The following CREBBP variants were observed in gnomAD, a reference collection of about 807,000 sequenced individuals.
CREBBP encodes CREB-binding protein.
Under a neutral mutation model 265.0 loss-of-function variants are expected in CREBBP, and 19 were observed. That is an observed-to-expected ratio of 0.07 (90% CI 0.05 to 0.11). CREBBP has a LOEUF of 0.11. CREBBP is among the 10% of genes least tolerant of loss of function. The probability of loss-of-function intolerance (pLI) is 1.00; values close to 1 mark genes in which losing one functional copy is unlikely to be tolerated. For missense variants in CREBBP, 2,525 were observed against 3,219.0 expected (o/e 0.78, Z 5.22); for synonymous variants, 1,457 against 1,223.7 (o/e 1.19, Z -3.98).
intron 23 of CREBBP, chr16:3,742,114 A>T (rs2052230313): frequency 6.6e-6 from 1 of 151,950 alleles, no homozygotes; most frequent in Non-Finnish European, 1.5e-5. Context: ...AAAACAAAAA[A>T]ACCCCCCAAA....
chr16:3,770,097 T>C (rs1221153906), intron 14 of CREBBP, among the ~76,000 whole-genome samples: 1 of 152,164 alleles, frequency 6.6e-6, no homozygotes, highest in Non-Finnish European at 1.5e-5. Context: ...CTCGAACTCC[T>C]GAGCTCCGGT....
chr16:3,820,330 G>A (rs751386114), intron 2 of CREBBP, among the ~76,000 whole-genome samples: 20 of 152,158 alleles, frequency 1.3e-4, no homozygotes, highest in Non-Finnish European at 2.6e-4. Context: ...GGAGAAATAC[G>A]CCACTGATTA....
chr16:3,871,060 A>AG lies in CREBBP; in HGVS notation c.85+8771dup, dbSNP rs1432164398. Among the ~76,000 whole-genome samples, 6 of 151,882 alleles carry AG rather than the reference A, an allele frequency of 4.0e-5. No individual in the cohort carries two copies. In the East Asian group the frequency reaches 5.8e-4, roughly 15 times the overall value. On this transcript the variant is annotated intron_variant, in intron 1 of 30. Coordinates refer to ENST00000262367, the MANE Select transcript of CREBBP (RefSeq NM_004380.3). Reference sequence around the variant, plus strand: ...AAGGAAAAGAAAGAAAGAGAAAAAAAGAAGGAAGGAAGGAAGGAAAAGAGA... The same window carrying AG: ...AAGGAAAAGAAAGAAAGAGAAAAAAAGGAAGGAAGGAAGGAAGGAAAAGAGA...
chr16:3,767,736 C>G lies in CREBBP; in HGVS notation c.3234G>C (p.Ser1078=), dbSNP rs1482660588. The G allele has an allele frequency of 6.2e-7, 1 of 1,614,234 alleles. No individual in the cohort carries two copies. The highest frequency in any genetic ancestry group is 2.2e-5 in the East Asian group (1 of 44,890). ...ATGGCCTACTTTTTTTGCGCGGCTG[C>G]GAAGGAGATGTTGACTGAGAGGCTG... ...NGTASQSTSP[S]QPRKKIFKPE... is the part of the protein sequence containing the mutation. Residue 1078 remains serine (S), a synonymous_variant, in exon 16 of 31, where the codon TCG becomes TCC. Coordinates refer to ENST00000262367, the MANE Select transcript of CREBBP (RefSeq NM_004380.3).
intron 3 of CREBBP, among the ~76,000 whole-genome samples, chr16:3,795,431 GCCTCGTATCTCC>G (rs908149583): frequency 6.6e-5 from 10 of 151,984 alleles, no homozygotes; most frequent in African/African-American, 2.4e-4. Context: ...AATCAATAGA[GCCTCGTATCTCC>G]CCTGCAACAC....
chr16:3,790,925 CAACCAGAAAG>C (rs1170591694), intron 5 of CREBBP, among the ~76,000 whole-genome samples: 5 of 152,182 alleles, frequency 3.3e-5, no homozygotes, highest in Non-Finnish European at 7.3e-5. Flanking sequence ...CACTCAGAAA[CAACCAGAAAG>C]AAAAGCAGCA....
chr16:3,736,978 T>C, intron 26 of CREBBP, 163 bp from the exon 27 acceptor site: 1 of 833,176 alleles, frequency 1.2e-6, no homozygotes, highest in Non-Finnish European at 1.9e-6. Context: ...AGGCTCGAAC[T>C]TTATCCTGAG....
intron 5 of CREBBP, among the ~76,000 whole-genome samples, chr16:3,783,855 T>C (rs556681806): frequency 2.6e-5 from 4 of 152,306 alleles, no homozygotes; most frequent in African/African-American, 9.6e-5. Flanking sequence ...GCTTCCAAGG[T>C]AATGGAGAGA....
intron 3 of CREBBP, among the ~76,000 whole-genome samples, chr16:3,805,217 C>T (rs1397095793): frequency 6.6e-6 from 1 of 152,192 alleles, no homozygotes; most frequent in Non-Finnish European, 1.5e-5. Flanking sequence ...CTTAAGAATA[C>T]ACAAACACTT....
rs369505762 is a variant in CREBBP at position 3,810,656 on chromosome 16, G to C, written c.922C>G (p.Pro308Ala). The stretch of plus-strand genomic sequence containing the variant: ...TTCTTGATATCTGTAGGGAAGGTGG[G>C]CAAACTGTTGACCATGCTCTGTTTG... ...ASKQSMVNSLPTFPTDIKNTS... is the reference protein window; with the variant it reads ...ASKQSMVNSLATFPTDIKNTS... The change falls in exon 3 of 31, where the codon CCC becomes GCC. Residue 308 changes from proline to alanine, a missense_variant. Physicochemically the swap from Pro to Ala is conservative, Grantham distance 27. Transcript: ENST00000262367. 4 of 1,613,770 alleles carry C rather than the reference G, an allele frequency of 2.5e-6. No homozygotes were observed. The African/African-American group carries it at 4.0e-5, about 16-fold the overall frequency.
intron 1 of CREBBP, among the ~76,000 whole-genome samples, chr16:3,874,721 C>T (rs1400235179): frequency 2.0e-5 from 3 of 152,222 alleles, no homozygotes; most frequent in Non-Finnish European, 4.4e-5. Context: ...GACACCAAGG[C>T]TCTGGGAAAG....
chr16:3,726,846 AATATG>A lies in CREBBP; in HGVS notation c.*867_*871del, dbSNP rs532341326. On this transcript the variant is annotated 3_prime_UTR_variant, in exon 31 of 31. Coordinates refer to ENST00000262367, the MANE Select transcript of CREBBP (RefSeq NM_004380.3). The stretch of plus-strand genomic sequence containing the variant: ...GTCTGTTGCACACAGTTTATTTAAC[AATATG>A]ATATAAGAAATGAGTTGGTATTTTA... 34 of 233,630 alleles carry A rather than the reference AATATG, an allele frequency of 1.5e-4. No individual in the cohort carries two copies. The highest frequency in any genetic ancestry group is 7.2e-4 in the South Asian group (4 of 5,524). 14.5% of individuals were successfully genotyped at this position (233,630 alleles called of 1,614,324 possible).
intron 11 of CREBBP, among the ~76,000 whole-genome samples, chr16:3,776,708 A>G (rs2053147001): frequency 6.6e-6 from 1 of 151,768 alleles, no homozygotes; most frequent in African/African-American, 2.4e-5. Flanking sequence ...CCCCTTCACC[A>G]TCCATTAAAA....
At chr16:3,734,744 A>G (rs1297356051) in intron 28 of CREBBP, among the ~76,000 whole-genome samples, 2 of 152,102 alleles carry the variant, frequency 1.3e-5, no homozygotes, top group Non-Finnish European at 2.9e-5. Context: ...GCCGTCCAGC[A>G]GGTGGCTGCC....
At chr16:3,871,578 T>C (rs1337948817) in intron 1 of CREBBP, among the ~76,000 whole-genome samples, 1 of 152,210 alleles carries the variant, frequency 6.6e-6, no homozygotes, top group Admixed American at 6.5e-5. Flanking sequence ...CAAATCTCCT[T>C]ATTTAAATGT....
intron 2 of CREBBP, among the ~76,000 whole-genome samples, chr16:3,824,847 C>T (rs531229696): frequency 2.6e-5 from 4 of 152,204 alleles, no homozygotes; most frequent in Non-Finnish European, 4.4e-5. Flanking sequence ...CCAATCTCTA[C>T]GCCTCAATCA....
chr16:3,774,422 A>G, intron 12 of CREBBP, 147 bp downstream of exon 12: 1 of 1,045,880 alleles, frequency 9.6e-7, no homozygotes, highest in Non-Finnish European at 1.4e-6. Context: ...TAATTTTTTT[A>G]AAATGAGAGA....
intron 23 of CREBBP, chr16:3,741,726 G>C (rs962284361): frequency 6.6e-6 from 1 of 151,718 alleles, no homozygotes; most frequent in South Asian, 2.1e-4. Context: ...GATCACCTGA[G>C]GTCAGGAGTT....
chr16:3,872,656 A>G (rs1160382109), intron 1 of CREBBP, among the ~76,000 whole-genome samples: 1 of 152,242 alleles, frequency 6.6e-6, no homozygotes, highest in Non-Finnish European at 1.5e-5. Context: ...GCATGTGCTA[A>G]AAAGCAGACG....
Sources: allele counts gnomAD v4.1 joint callset (sites outside exome capture counted in the v4.1 genomes callset), GRCh38; gene constraint gnomAD v4.1.1; transcripts MANE v1.5; gene names NCBI Gene and HGNC (gene_info 2026-07-23, HGNC 2026-07-21).